Variants in AFG1L observed in about 807,000 individuals in gnomAD.
AFG1L encodes the protein AFG1 like ATPase.
AFG1L carries 53 observed loss-of-function variants against 62.2 expected under a neutral mutation model. The observed-to-expected ratio is 0.85, with a 90% confidence interval of 0.68 to 1.07. The LOEUF is 1.07. AFG1L is among the 50% of genes least tolerant of loss of function. The pLI is 0.00. For synonymous variants in AFG1L, 228 were observed against 210.3 expected (o/e 1.08, Z -0.73); for missense variants, 555 against 590.5 (o/e 0.94, Z 0.62).
intron 7 of AFG1L, among the ~76,000 whole-genome samples, chr6:108,414,606 G>C (rs2114668992): frequency 6.6e-6 from 1 of 152,260 alleles, no homozygotes; most frequent in Admixed American, 6.5e-5. Context: ...GGGATGCAAG[G>C]CTGGTTCAAC....
intron 1 of AFG1L, among the ~76,000 whole-genome samples, chr6:108,315,197 C>G (rs1179254883): frequency 6.6e-6 from 1 of 152,102 alleles, no homozygotes; most frequent in South Asian, 2.1e-4. Flanking sequence ...TCCTTTCCAA[C>G]CTCTTCTTGT....
chr6:108,486,668 A>T (rs944693343), intron 10 of AFG1L, among the ~76,000 whole-genome samples: 5 of 152,174 alleles, frequency 3.3e-5, no homozygotes, highest in Admixed American at 6.5e-5. Context: ...GCTATGTAAG[A>T]TCCAGCCCTC....
At chr6:108,430,462 T>G (rs1421026307) in intron 7 of AFG1L, among the ~76,000 whole-genome samples, 1 of 152,212 alleles carries the variant, frequency 6.6e-6, no homozygotes, top group African/African-American at 2.4e-5. Flanking sequence ...CTGTGCCTTG[T>G]TCTGGACATG....
chr6:108,358,855 A>C (rs2114471217), intron 5 of AFG1L, among the ~76,000 whole-genome samples: 1 of 152,296 alleles, frequency 6.6e-6, no homozygotes, highest in African/African-American at 2.4e-5. Flanking sequence ...TTTTTATGGC[A>C]TAAGCGTATT....
chr6:108,447,219 T>C lies in AFG1L; in HGVS notation c.813T>C (p.Tyr271=), dbSNP rs1176300262. The C allele has an allele frequency of 1.3e-6, 2 of 1,583,936 alleles. No homozygotes were observed. Among genetic ancestry groups the C allele is most frequent in the Non-Finnish European group, 1.7e-6 (2 of 1,153,774 alleles). The change falls in exon 8 of 13, where the codon TAT becomes TAC. Residue 271 remains tyrosine, a synonymous_variant. Coordinates refer to ENST00000368977, the MANE Select transcript of AFG1L (RefSeq NM_145315.5). ...TTCATTTGTTTGGATTGTAGGAATA[T>C]TGTAATACAGTCCAGCTAGATTCTG... ...FVPFIAVLKE[Y]CNTVQLDSGI... is the part of the protein sequence containing the mutation.
chr6:108,344,024 C>G (rs1004697985), intron 2 of AFG1L, among the ~76,000 whole-genome samples: 13 of 152,184 alleles, frequency 8.5e-5, no homozygotes, highest in African/African-American at 3.1e-4. Flanking sequence ...CTCATGCCTA[C>G]AATCCCAGCG....
chr6:108,328,549 C>T (rs974331344), intron 2 of AFG1L, among the ~76,000 whole-genome samples: 3 of 152,016 alleles, frequency 2.0e-5, no homozygotes, highest in Non-Finnish European at 4.4e-5. Context: ...TGCATGCCAC[C>T]ACACCCAGCT....
chr6:108,488,755 C>G (rs1371569004), intron 10 of AFG1L, among the ~76,000 whole-genome samples: 1 of 151,854 alleles, frequency 6.6e-6, no homozygotes, highest in Non-Finnish European at 1.5e-5. Flanking sequence ...ATAATCTCAG[C>G]TACTCGGGAG....
intron 6 of AFG1L, among the ~76,000 whole-genome samples, chr6:108,369,317 C>T (rs760837546): frequency 2.6e-5 from 4 of 151,942 alleles, no homozygotes; most frequent in African/African-American, 7.3e-5. Flanking sequence ...CTCATAGAAC[C>T]GTAGGCCAAA....
At chr6:108,370,513 G>A (rs1039552384) in intron 6 of AFG1L, among the ~76,000 whole-genome samples, 1 of 152,008 alleles carries the variant, frequency 6.6e-6, no homozygotes, top group African/African-American at 2.4e-5. Flanking sequence ...GTAGGTAAAG[G>A]CCAGGAATAT....
At chr6:108,445,258 G>A (rs142919389) in intron 7 of AFG1L, among the ~76,000 whole-genome samples, 6,469 of 152,226 alleles carry the variant, frequency 0.042, 212 homozygotes, top group South Asian at 0.11. Flanking sequence ...CTCTGGATTA[G>A]GCTTTGGCTT....
chr6:108,395,819 A>C (rs1327184312), intron 6 of AFG1L, among the ~76,000 whole-genome samples: 2 of 151,036 alleles, frequency 1.3e-5, no homozygotes, highest in Admixed American at 1.3e-4. Flanking sequence ...AGAGAGAGGG[A>C]GAGAGAGAGG....
intron 3 of AFG1L, among the ~76,000 whole-genome samples, chr6:108,351,874 A>G (rs1213454749): frequency 2.6e-5 from 4 of 152,172 alleles, no homozygotes; most frequent in African/African-American, 7.2e-5. Flanking sequence ...GTCAAATTGT[A>G]GGGGAGAAGT....
At chr6:108,498,924 A>C (rs1042247195) in intron 10 of AFG1L, among the ~76,000 whole-genome samples, 2 of 152,244 alleles carry the variant, frequency 1.3e-5, no homozygotes, top group African/African-American at 4.8e-5. Context: ...CAGTGAGCCA[A>C]GATTGCGCCA....
intron 6 of AFG1L, among the ~76,000 whole-genome samples, chr6:108,394,269 TC>T (rs1781195063): frequency 6.6e-6 from 1 of 151,718 alleles, no homozygotes; most frequent in Admixed American, 6.6e-5. Flanking sequence ...TGCCTCAGCC[TC>T]CCAAGTAGCT....
rs114922988 is a variant in AFG1L at position 108,355,847 on chromosome 6, T to C, written c.517+92T>C. On this transcript the variant is annotated intron_variant, in intron 4 of 12. Coordinates refer to ENST00000368977, the MANE Select transcript of AFG1L (RefSeq NM_145315.5). ...GAATGAACATATACTCTTTAAAAAT[T>C]AGATTTTTGCTTGCAGTAAGATTTT... 6.1e-5 allele frequency: 54 copies of C among 879,394 alleles called. No individual in the cohort carries two copies. The African/African-American group carries it at 7.6e-4, about 12-fold the overall frequency. 54.5% of individuals were successfully genotyped at this position (879,394 alleles called of 1,614,324 possible).
chr6:108,510,699 C>G (rs1774611147), intron 11 of AFG1L, among the ~76,000 whole-genome samples: 1 of 152,214 alleles, frequency 6.6e-6, no homozygotes, highest in Non-Finnish European at 1.5e-5. Flanking sequence ...TGCGCTTCAT[C>G]TATCACGTTC....
At chr6:108,511,987 G>A (rs1170450408) in intron 11 of AFG1L, among the ~76,000 whole-genome samples, 2 of 152,218 alleles carry the variant, frequency 1.3e-5, no homozygotes, top group Non-Finnish European at 1.5e-5. Context: ...GAGGCATATG[G>A]TGCTGTGAGA....
At position 108,346,767 on chromosome 6, in the gene AFG1L, T is replaced by C. The variant is rs74744677; in HGVS notation, c.364-221T>C. ...TGTGACTGGTTTATGTCACCTAGCA[T>C]AATGTCCCCAATGTTCATTCATGTA... On this transcript the variant is annotated intron_variant, in intron 2 of 12. Coordinates refer to ENST00000368977, the MANE Select transcript of AFG1L (RefSeq NM_145315.5). 4.2e-3 allele frequency among the ~76,000 whole-genome samples: 633 copies of C among 152,346 alleles called. 5 individuals are homozygous for C. Among genetic ancestry groups the C allele is most frequent in the African/African-American group, 0.013 (558 of 41,588 alleles).
Sources: allele counts gnomAD v4.1 joint callset (sites outside exome capture counted in the v4.1 genomes callset), GRCh38; gene constraint gnomAD v4.1.1; transcripts MANE v1.5; gene names NCBI Gene and HGNC (gene_info 2026-07-23, HGNC 2026-07-21).